The following LCLAT1 variants were observed in gnomAD, a reference collection of about 807,000 sequenced individuals.
The protein encoded by LCLAT1 is lysocardiolipin acyltransferase 1.
In LCLAT1, 11 loss-of-function variants were observed where a neutral mutation model predicts 30.7. The observed-to-expected ratio is 0.36, with a 90% CI of 0.23 to 0.59. The LOEUF is 0.59. LCLAT1 is among the 20% of genes least tolerant of loss of function. LCLAT1 has a pLI of 0.77. For missense variants in LCLAT1, 402 were observed against 458.6 expected (o/e 0.88, Z 1.13); for synonymous variants, 155 against 151.3 (o/e 1.02, Z -0.18).
intron 3 of LCLAT1, chr2:30,552,741 T>G (rs749491118): frequency 1.9e-5 from 4 of 215,054 alleles, no homozygotes; most frequent in Non-Finnish European, 3.9e-5. Flanking sequence ...TATAACTACT[T>G]GTTACTTAAC....
intron 1 of LCLAT1, among the ~76,000 whole-genome samples, chr2:30,502,006 C>T (rs79211047): frequency 0.018 from 2,765 of 152,204 alleles, 80 homozygotes; most frequent in African/African-American, 0.062. Flanking sequence ...TTTTTCTCTT[C>T]GGAACAGATG....
At chr2:30,560,155 T>A (rs1665128270) in intron 3 of LCLAT1, among the ~76,000 whole-genome samples, 1 of 152,158 alleles carries the variant, frequency 6.6e-6, no homozygotes, top group Non-Finnish European at 1.5e-5. Flanking sequence ...AGACTGATAT[T>A]ATAGTGACTA....
At chr2:30,565,327 A>G (rs180781331) in intron 4 of LCLAT1, among the ~76,000 whole-genome samples, 108 of 152,226 alleles carry the variant, frequency 7.1e-4, no homozygotes, top group African/African-American at 2.5e-3. Flanking sequence ...AGAGGAGGGC[A>G]CTTCTGTCTT....
chr2:30,510,498 G>A (rs1684888781), intron 1 of LCLAT1, among the ~76,000 whole-genome samples: 1 of 152,230 alleles, frequency 6.6e-6, no homozygotes, highest in South Asian at 2.1e-4. Context: ...TTTCTAGAAG[G>A]TTTGTGGAAC....
At chr2:30,523,608 G>T (rs1685575978) in intron 1 of LCLAT1, among the ~76,000 whole-genome samples, 1 of 152,182 alleles carries the variant, frequency 6.6e-6, no homozygotes, top group African/African-American at 2.4e-5. Context: ...AGTGGCTTAC[G>T]CCTGTAATCC....
chr2:30,537,162 A>G (rs1052887778), intron 3 of LCLAT1, among the ~76,000 whole-genome samples: 2 of 152,184 alleles, frequency 1.3e-5, no homozygotes, highest in Non-Finnish European at 2.9e-5. Context: ...CGGGTGGATC[A>G]TGAGGTCAGG....
At chr2:30,568,212 AGTGGC>A (rs1489655825) in intron 5 of LCLAT1, 36 bp downstream of exon 5, 1 of 1,234,262 alleles carries the variant, frequency 8.1e-7, no homozygotes, top group Non-Finnish European at 1.2e-6. Flanking sequence ...TTTTAATAAA[AGTGGC>A]AAAAATTGCT....
intron 3 of LCLAT1, among the ~76,000 whole-genome samples, chr2:30,542,953 CT>C (rs34535640): frequency 0.31 from 38,746 of 123,856 alleles, 4,860 homozygotes; most frequent in East Asian, 0.52. Flanking sequence ...ACTTTTATGG[CT>C]TTTTTTTTTT....
intron 2 of LCLAT1, among the ~76,000 whole-genome samples, chr2:30,526,870 A>G (rs754649782): frequency 2.6e-4 from 40 of 152,114 alleles, no homozygotes; most frequent in Non-Finnish European, 5.0e-4. Flanking sequence ...TTCTTTTTTT[A>G]GAGGACAGAA....
At chr2:30,618,683 C>G (rs1336879310) in intron 5 of LCLAT1, among the ~76,000 whole-genome samples, 1 of 151,978 alleles carries the variant, frequency 6.6e-6, no homozygotes, top group African/African-American at 2.4e-5. Context: ...TGTAACAAAC[C>G]TTCACATGTA....
intron 1 of LCLAT1, among the ~76,000 whole-genome samples, chr2:30,514,311 T>C (rs193091433): frequency 3.6e-4 from 55 of 152,336 alleles, no homozygotes; most frequent in African/African-American, 1.3e-3. Context: ...TTGTAGCATA[T>C]CACTTCCCCC....
rs1210022101 is a variant in LCLAT1 at position 30,642,413 on chromosome 2, TTTTTTTA to T, written c.*1795_*1801del. The stretch of plus-strand genomic sequence containing the variant: ...TCTTTTTCTTTTCTTTTTTTTTTTT[TTTTTTTA>T]AAAAAGCACCTTTTTTTGTTGTTTC... On this transcript the variant is annotated 3_prime_UTR_variant, in exon 6 of 6. Coordinates refer to ENST00000379509, the MANE Select transcript of LCLAT1 (RefSeq NM_001002257.3). 1 of 148,250 alleles carries T rather than the reference TTTTTTTA, an allele frequency of 6.7e-6. No homozygotes were observed. Among genetic ancestry groups the T allele is most frequent in the African/African-American group, 2.6e-5 (1 of 38,742 alleles). The allele number at this position is 148,250 out of a possible 1,614,324, so 9.2% of individuals were successfully genotyped here.
At chr2:30,519,990 C>A (rs896829943) in intron 1 of LCLAT1, among the ~76,000 whole-genome samples, 1 of 152,178 alleles carries the variant, frequency 6.6e-6, no homozygotes, top group Non-Finnish European at 1.5e-5. Flanking sequence ...CATTGCCGCT[C>A]CCGATCAGGT....
intron 5 of LCLAT1, among the ~76,000 whole-genome samples, chr2:30,585,968 A>G (rs1666414810): frequency 6.6e-6 from 1 of 152,154 alleles, no homozygotes; most frequent in African/African-American, 2.4e-5. Context: ...AACAGTAGGA[A>G]TGGCCGGGCG....
chr2:30,532,568 A>G (rs1472098949), intron 2 of LCLAT1, among the ~76,000 whole-genome samples: 2 of 152,204 alleles, frequency 1.3e-5, no homozygotes, highest in African/African-American at 4.8e-5. Flanking sequence ...TTATTTGAAC[A>G]TTACTATTTT....
intron 1 of LCLAT1, among the ~76,000 whole-genome samples, chr2:30,453,959 G>T (rs907276620): frequency 1.3e-5 from 2 of 152,162 alleles, no homozygotes; most frequent in Non-Finnish European, 2.9e-5. Context: ...AAGAAGGTAC[G>T]GGGCATGGAT....
At chr2:30,528,363 A>G (rs1685825990) in intron 2 of LCLAT1, among the ~76,000 whole-genome samples, 1 of 152,222 alleles carries the variant, frequency 6.6e-6, no homozygotes, top group African/African-American at 2.4e-5. Context: ...ATTACTGCAG[A>G]ATTACATTAT....
chr2:30,593,893 A>C (rs1225241821), intron 5 of LCLAT1, among the ~76,000 whole-genome samples: 1 of 144,326 alleles, frequency 6.9e-6, no homozygotes, highest in Non-Finnish European at 1.5e-5. Context: ...ACTGCATTCC[A>C]CCTCGAGCAA....
chr2:30,498,196 C>T (rs754001402), intron 1 of LCLAT1, among the ~76,000 whole-genome samples: 10 of 152,058 alleles, frequency 6.6e-5, no homozygotes, highest in Admixed American at 1.3e-4. Flanking sequence ...AGGCTGAGTC[C>T]GGGGATTTTA....
Sources: gnomAD v4.1 joint callset for allele counts (sites outside exome capture counted in the v4.1 genomes callset) on GRCh38, gnomAD v4.1.1 for gene constraint, MANE v1.5 for transcripts, NCBI Gene and HGNC (gene_info 2026-07-23, HGNC 2026-07-21) for gene names.